The following SLC7A5 variants were observed in gnomAD, a reference collection of about 807,000 sequenced individuals.
SLC7A5 encodes the protein large neutral amino acids transporter small subunit 1.
A neutral mutation model predicts 50.2 loss-of-function variants in SLC7A5; 23 were observed. That is an observed-to-expected ratio of 0.46 (90% confidence interval 0.33 to 0.65). The LOEUF (loss-of-function observed/expected upper bound fraction) is 0.65, where lower values mean the gene tolerates loss of function less well. SLC7A5 is among the 30% of genes least tolerant of loss of function. The probability of loss-of-function intolerance (pLI) is 0.02; values close to 1 mark genes in which losing one functional copy is unlikely to be tolerated. For missense variants in SLC7A5, 578 were observed against 684.4 expected (o/e 0.84, Z 1.73); for synonymous variants, 393 against 330.6 (o/e 1.19, Z -2.05).
In SLC7A5 at chr16:87,852,979, C is replaced by A. The variant is rs2055257243; in HGVS notation, c.539-1130G>T. On this transcript the variant is annotated intron_variant, in intron 1 of 9. Coordinates refer to ENST00000261622, the MANE Select transcript of SLC7A5 (RefSeq NM_003486.7). The surrounding 1 kb of genome is among the most constrained non-coding windows in gnomAD (Gnocchi z 4.5). ...GCTTGAAATCTGCCAGTGGGAACGT[C>A]TACACCCCAGAAGTGGGCAAAGGCC... Among the ~76,000 whole-genome samples the A allele has an allele frequency of 1.3e-5, 2 of 152,342 alleles. 1 individual carries two copies. Among genetic ancestry groups the A allele is most frequent in the Non-Finnish European group, 2.9e-5 (2 of 68,040 alleles).
At position 87,841,771 on chromosome 16, in the gene SLC7A5, C is replaced by T. The variant is rs933404303; in HGVS notation, c.665-616G>A. On this transcript the variant is annotated intron_variant, in intron 2 of 9. Coordinates refer to ENST00000261622, the MANE Select transcript of SLC7A5 (RefSeq NM_003486.7). This position sits in a 1 kb window ranked among gnomAD's most constrained non-coding sequence, Gnocchi z 4.8. The stretch of plus-strand genomic sequence containing the variant: ...AACGATCCCCGTGCTGTGTGCAGAG[C>T]TCTCTCCTTTGCCCTCTGAGGACAC... Among the ~76,000 whole-genome samples, 2 of 152,258 alleles carry T rather than the reference C, an allele frequency of 1.3e-5. No individual in the cohort carries two copies. Among genetic ancestry groups the T allele is most frequent in the Admixed American group, 1.3e-4 (2 of 15,290 alleles).
rs111933276 is a variant in SLC7A5 at position 87,850,492 on chromosome 16, C to T, written c.664+1232G>A. On this transcript the variant is annotated intron_variant, in intron 2 of 9. Transcript: ENST00000261622. ...GCCTCTCTGCAGCCATCGGTGACTGCGAGTCACCAGAGCGTGCATCCGCCG... is the reference window on the plus strand; with the variant it reads ...GCCTCTCTGCAGCCATCGGTGACTGTGAGTCACCAGAGCGTGCATCCGCCG... Among the ~76,000 whole-genome samples, 18 of 152,336 alleles carry T rather than the reference C, an allele frequency of 1.2e-4. 1 individual carries two copies. The highest frequency in any genetic ancestry group is 4.3e-4 in the African/African-American group (18 of 41,580).
intron 5 of SLC7A5, 30 bp from the exon 6 acceptor site, chr16:87,838,847 C>G: frequency 1.3e-6 from 2 of 1,569,820 alleles, no homozygotes; most frequent in Non-Finnish European, 1.8e-6. Context: ...GAGCTGGGCC[C>G]CACCGGGCCG....
chr16:87,844,215 G>A (rs1226538467), intron 2 of SLC7A5, among the ~76,000 whole-genome samples: 1 of 152,024 alleles, frequency 6.6e-6, no homozygotes, highest in Non-Finnish European at 1.5e-5. Flanking sequence ...CTTCCTCAGG[G>A]GCTGGTGGAG....
rs540119061 is a variant in SLC7A5 at position 87,839,527 on chromosome 16, G to A, written c.939+175C>T. On this transcript the variant is annotated intron_variant, in intron 5 of 9. Coordinates refer to ENST00000261622, the MANE Select transcript of SLC7A5 (RefSeq NM_003486.7). Reference sequence around the variant, plus strand: ...GATGATCCCCAGACACTTCCTCTGCGGTCGCTGTGAGGGGAGACCACCACT... The same window carrying A: ...GATGATCCCCAGACACTTCCTCTGCAGTCGCTGTGAGGGGAGACCACCACT... Among the ~76,000 whole-genome samples, 374 of 152,260 alleles carry A rather than the reference G, an allele frequency of 2.5e-3. 1 individual carries two copies. The highest frequency in any genetic ancestry group is 3.9e-3 in the Non-Finnish European group (265 of 68,016).
rs1001090802 is a variant in SLC7A5, at chr16:87,830,915, A to G, written c.*2055T>C. 7.9e-5 allele frequency: 12 copies of G among 152,410 alleles called. No individual in the cohort carries two copies. The highest frequency in any genetic ancestry group is 1.9e-4 in the African/African-American group (8 of 41,562). The allele number at this position is 152,410 out of a possible 1,614,324, so 9.4% of individuals were successfully genotyped here. A position where few individuals can be genotyped will look rare whatever the true frequency, so the allele number is the denominator to read the frequency against. On this transcript the variant is annotated 3_prime_UTR_variant, in exon 10 of 10. Coordinates refer to ENST00000261622, the MANE Select transcript of SLC7A5 (RefSeq NM_003486.7). ...ACAGAACGGCATCCCGAGGACCCCTAGCCGAGGCGGGAAGGTAAGAGGCTG... is the reference window on the plus strand; with the variant it reads ...ACAGAACGGCATCCCGAGGACCCCTGGCCGAGGCGGGAAGGTAAGAGGCTG...
chr16:87,855,808 C>G (rs2055310408), intron 1 of SLC7A5, among the ~76,000 whole-genome samples: 1 of 152,036 alleles, frequency 6.6e-6, no homozygotes. Context: ...GGGGACCCCG[C>G]AGGCCCCATG....
At position 87,860,341 on chromosome 16, in the gene SLC7A5, TACACACACACACACACACACACAC is replaced by T. The variant is rs370835904; in HGVS notation, c.539-8516_539-8493del. On this transcript the variant is annotated intron_variant, in intron 1 of 9. Transcript: ENST00000261622. This position sits in a 1 kb window ranked among gnomAD's most constrained non-coding sequence, Gnocchi z 4.8. ...AAAGCATCTCAAAAAAAAAAAAAAATACACACACACACACACACACACACACACACACACACACACACACACACA... is the reference window on the plus strand; with the variant it reads ...AAAGCATCTCAAAAAAAAAAAAAAATACACACACACACACACACACACACA... Among the ~76,000 whole-genome samples, 48 of 86,182 alleles carry T rather than the reference TACACACACACACACACACACACAC, an allele frequency of 5.6e-4. 1 individual carries two copies. Among genetic ancestry groups the T allele is most frequent in the Middle Eastern group, 8.1e-3 (1 of 124 alleles). The allele number at this position is 86,182 out of a possible 152,430, so 56.5% of individuals were successfully genotyped here.
At chr16:87,865,526 T>C (rs928421032) in intron 1 of SLC7A5, among the ~76,000 whole-genome samples, 7 of 151,800 alleles carry the variant, frequency 4.6e-5, no homozygotes, top group Non-Finnish European at 7.4e-5. Flanking sequence ...CTGGCCAACA[T>C]GGTGAAGCCC....
chr16:87,846,353 T>C (rs1484375962), intron 2 of SLC7A5, among the ~76,000 whole-genome samples: 1 of 152,196 alleles, frequency 6.6e-6, no homozygotes, highest in Non-Finnish European at 1.5e-5. Flanking sequence ...ACTCCTCCCT[T>C]GGTTAACACA....
intron 2 of SLC7A5, among the ~76,000 whole-genome samples, chr16:87,849,098 C>T (rs2143773895): frequency 6.6e-6 from 1 of 152,368 alleles, no homozygotes; most frequent in Admixed American, 6.5e-5. Flanking sequence ...GCTGCATTCT[C>T]CAGACCCGGA....
Position 87,852,116 on chromosome 16 carries a change from C to T in SLC7A5, c.539-267G>A, listed in dbSNP as rs1000519993. Among the ~76,000 whole-genome samples the T allele has an allele frequency of 6.6e-6, 1 of 152,204 alleles. No homozygotes were observed. The highest frequency in any genetic ancestry group is 1.5e-5 in the Non-Finnish European group (1 of 68,024). On this transcript the variant is annotated intron_variant, in intron 1 of 9. Transcript: ENST00000261622. The surrounding 1 kb of genome is among the most constrained non-coding windows in gnomAD (Gnocchi z 4.5). ...GCAAGGGACCTTTCCTCACCCCCCA[C>T]CACACCAGGCCATGGAGTCCCACCT...
intron 1 of SLC7A5, 33 bp from the exon 2 acceptor site, chr16:87,851,882 GGGCA>G (rs772358949): frequency 6.2e-7 from 1 of 1,611,916 alleles, no homozygotes; most frequent in South Asian, 1.1e-5. Flanking sequence ...TGAGTTCCAC[GGGCA>G]GACAGACGCC....
intron 1 of SLC7A5, among the ~76,000 whole-genome samples, chr16:87,866,044 T>A (rs1382900964): frequency 6.6e-6 from 1 of 151,964 alleles, no homozygotes; most frequent in Admixed American, 6.6e-5. Flanking sequence ...CACATACCCT[T>A]TTCCCATTTG....
At chr16:87,835,770 A>G (rs9932892) in intron 8 of SLC7A5, among the ~76,000 whole-genome samples, 43,089 of 152,164 alleles carry the variant, frequency 0.28, 6,305 homozygotes, top group Middle Eastern at 0.44. Context: ...CACCGCGCCC[A>G]GCCTAAAGCC....
intron 1 of SLC7A5, among the ~76,000 whole-genome samples, chr16:87,866,178 C>T (rs998240635): frequency 4.6e-5 from 7 of 152,000 alleles, no homozygotes; most frequent in Admixed American, 2.6e-4. Context: ...GCAGCCTCTG[C>T]GTACTGCCTG....
intron 2 of SLC7A5, among the ~76,000 whole-genome samples, chr16:87,847,852 G>A (rs1324081518): frequency 2.6e-5 from 4 of 152,182 alleles, no homozygotes; most frequent in Non-Finnish European, 5.9e-5. Flanking sequence ...AAACTGTCAC[G>A]TGACACACAA....
At position 87,832,009 on chromosome 16, in the gene SLC7A5, G is replaced by A. The variant is rs935643738; in HGVS notation, c.*961C>T. The A allele has an allele frequency of 6.5e-6, 1 of 152,896 alleles. No individual in the cohort carries two copies. 9.5% of individuals were successfully genotyped at this position (152,896 alleles called of 1,614,324 possible). A position where few individuals can be genotyped will look rare whatever the true frequency, so the allele number is the denominator to read the frequency against. ...ACCGGCCAGAAGGGGCTGCCGGGCG[G>A]TACAGAGGCCAATGCATTGGAGGCT... On this transcript the variant is annotated 3_prime_UTR_variant, in exon 10 of 10. Coordinates refer to ENST00000261622, the MANE Select transcript of SLC7A5 (RefSeq NM_003486.7). The surrounding 1 kb of genome is among the most constrained non-coding windows in gnomAD (Gnocchi z 4.6).
At chr16:87,859,392 C>A (rs2055359895) in intron 1 of SLC7A5, among the ~76,000 whole-genome samples, 1 of 152,180 alleles carries the variant, frequency 6.6e-6, no homozygotes, top group Non-Finnish European at 1.5e-5. Context: ...AGCTCGAGAG[C>A]ACAGGGACAA....
Sources: gnomAD v4.1 joint callset for allele counts (sites outside exome capture counted in the v4.1 genomes callset) on GRCh38, gnomAD v4.1.1 for gene constraint, Gnocchi (gnomAD v3.1) non-coding constraint, MANE v1.5 for transcripts, NCBI Gene and HGNC (gene_info 2026-07-23, HGNC 2026-07-21) for gene names.